The following CENPP variants were observed in gnomAD, a reference collection of about 807,000 sequenced individuals.
CENPP encodes the protein centromere protein P.
In CENPP, 24 loss-of-function variants were observed where a neutral mutation model predicts 35.6. The ratio of observed to expected loss-of-function variants is 0.67; its 90% confidence interval spans 0.49 to 0.95. CENPP has a LOEUF of 0.95. Ranked by LOEUF, CENPP falls within the 40% of genes least tolerant of loss-of-function variation. The probability of loss-of-function intolerance (pLI) is 0.00; values close to 1 mark genes in which losing one functional copy is unlikely to be tolerated. For synonymous variants in CENPP, 120 were observed against 125.5 expected (o/e 0.96, Z 0.29); for missense variants, 332 against 345.3 (o/e 0.96, Z 0.31).
chr9:92,498,245 A>G (rs1034486743), intron 5 of CENPP, among the ~76,000 whole-genome samples: 28 of 152,186 alleles, frequency 1.8e-4, no homozygotes, highest in Non-Finnish European at 3.4e-4. Context: ...TGGAAGGATA[A>G]ACTAGAAATT....
rs185830775 is a variant in CENPP at position 92,556,139 on chromosome 9, T to G, written c.565-55175T>G. On this transcript the variant is annotated intron_variant, in intron 5 of 7. Coordinates refer to ENST00000375587, the MANE Select transcript of CENPP (RefSeq NM_001012267.3). ...TTTTAATTTCCATCTTGATTTCATT[T>G]TTGACCTAATGCTCATTCAGGAGCA... Among the ~76,000 whole-genome samples, 673 of 152,360 alleles carry G rather than the reference T, an allele frequency of 4.4e-3. 3 individuals carry two copies. Among genetic ancestry groups the G allele is most frequent in the Middle Eastern group, 6.8e-3 (2 of 294 alleles).
chr9:92,541,598 G>A (rs1425056742), intron 5 of CENPP, among the ~76,000 whole-genome samples: 5 of 151,426 alleles, frequency 3.3e-5, no homozygotes, highest in African/African-American at 1.2e-4. Flanking sequence ...TCTGTGCCTG[G>A]CTTATTTCAC....
chr9:92,475,011 A>G, intron 5 of CENPP: 1 of 1,319,868 alleles, frequency 7.6e-7, no homozygotes, highest in Non-Finnish European at 9.9e-7. Flanking sequence ...GTGCAATGAA[A>G]TGGCATTTTA....
chr9:92,474,807 G>A (rs535145508), intron 5 of CENPP: 5 of 1,612,956 alleles, frequency 3.1e-6, no homozygotes, highest in Non-Finnish European at 4.2e-6. Flanking sequence ...ATATCCTTCA[G>A]CATCATATTC....
intron 5 of CENPP, among the ~76,000 whole-genome samples, chr9:92,503,897 C>T (rs1190505067): frequency 6.6e-6 from 1 of 152,202 alleles, no homozygotes; most frequent in Non-Finnish European, 1.5e-5. Flanking sequence ...ATGAGACAGC[C>T]TTGAGGCTGC....
At chr9:92,488,183 G>C (rs1846104908) in intron 5 of CENPP, among the ~76,000 whole-genome samples, 1 of 152,188 alleles carries the variant, frequency 6.6e-6, no homozygotes, top group Non-Finnish European at 1.5e-5. Flanking sequence ...TTATTCATTG[G>C]TGAATATAAG....
At chr9:92,352,538 T>TATATATATAA (rs1464334295) in intron 4 of CENPP, among the ~76,000 whole-genome samples, 2 of 114,434 alleles carry the variant, frequency 1.7e-5, no homozygotes, top group African/African-American at 4.0e-5. Context: ...TATATATATA[T>TATATATATAA]AATATAACGG....
intron 4 of CENPP, among the ~76,000 whole-genome samples, chr9:92,373,287 C>T (rs868054544): frequency 2.0e-5 from 3 of 151,854 alleles, no homozygotes; most frequent in Admixed American, 6.6e-5. Context: ...TATATATTAA[C>T]GACTGGGCTA....
intron 2 of CENPP, 88 bp downstream of exon 2, chr9:92,332,439 T>A: frequency 1.1e-6 from 1 of 879,970 alleles, no homozygotes; most frequent in Non-Finnish European, 1.7e-6. Flanking sequence ...GAATTAAAAT[T>A]CTACAAGGTA....
In CENPP at chr9:92,619,322, G is replaced by A. The variant is rs1851547800; in HGVS notation, c.*6173G>A. The A allele has an allele frequency of 1.7e-6, 1 of 603,140 alleles. No homozygotes were observed. Among genetic ancestry groups the A allele is most frequent in the Non-Finnish European group, 3.0e-6 (1 of 332,626 alleles). 37.4% of individuals were successfully genotyped at this position (603,140 alleles called of 1,614,324 possible). On this transcript the variant is annotated 3_prime_UTR_variant, in exon 8 of 8. Transcript: ENST00000375587. ...TGACTGAATTACAAGCTTCTAGAGG[G>A]CGAGAGTTAGTAAGCCCCATGATGT...
intron 4 of CENPP, among the ~76,000 whole-genome samples, chr9:92,363,409 A>T (rs1456749983): frequency 6.6e-6 from 1 of 152,182 alleles, no homozygotes; most frequent in Non-Finnish European, 1.5e-5. Flanking sequence ...CTATGTTTAG[A>T]TATGTTAAAT....
intron 5 of CENPP, among the ~76,000 whole-genome samples, chr9:92,432,082 T>C (rs538038637): frequency 2.0e-5 from 3 of 152,252 alleles, no homozygotes; most frequent in African/African-American, 7.2e-5. Context: ...CCCAACACTT[T>C]GGGAAGCTGA....
chr9:92,327,973 AGTT>A (rs1441638785), intron 1 of CENPP, among the ~76,000 whole-genome samples: 19 of 152,268 alleles, frequency 1.2e-4, no homozygotes, highest in South Asian at 8.3e-4. Context: ...AATGCTGGTC[AGTT>A]GTTGTGTCTA....
chr9:92,612,882 C>T (rs1160634901), intron 7 of CENPP, 137 bp from the exon 8 acceptor site: 2 of 1,047,792 alleles, frequency 1.9e-6, no homozygotes, highest in African/African-American at 1.6e-5. Context: ...ATCTCCTCGC[C>T]CGCCACTAGC....
intron 3 of CENPP, among the ~76,000 whole-genome samples, chr9:92,344,468 A>G (rs1373590882): frequency 3.3e-5 from 5 of 152,118 alleles, no homozygotes; most frequent in African/African-American, 1.2e-4. Context: ...TAAAGTGTAC[A>G]GTTCAATACT....
rs1346524298 is a variant in CENPP at position 92,484,534 on chromosome 9, ACT to A, written c.564+104676_564+104677del. ...TAGATTAATTACCTTTTGGAGAGGTACTATGAACGTTCCTCAGTCTGTCATTT... is the reference window on the plus strand; with the variant it reads ...TAGATTAATTACCTTTTGGAGAGGTAATGAACGTTCCTCAGTCTGTCATTT... On this transcript the variant is annotated intron_variant, in intron 5 of 7. Coordinates refer to ENST00000375587, the MANE Select transcript of CENPP (RefSeq NM_001012267.3). 1.2e-4 allele frequency among the ~76,000 whole-genome samples: 18 copies of A among 152,320 alleles called. No individual in the cohort carries two copies. The East Asian group carries it at 2.5e-3, about 21-fold the overall frequency.
At chr9:92,422,199 C>T (rs1268363474) in intron 5 of CENPP, among the ~76,000 whole-genome samples, 1 of 151,962 alleles carries the variant, frequency 6.6e-6, no homozygotes, top group Non-Finnish European at 1.5e-5. Context: ...TACAGGCGTG[C>T]ACCACCACGA....
chr9:92,514,438 C>G (rs1847557473), intron 5 of CENPP, among the ~76,000 whole-genome samples: 1 of 152,024 alleles, frequency 6.6e-6, no homozygotes, highest in Admixed American at 6.6e-5. Context: ...CCACGCCCGG[C>G]TAATTTTTGT....
chr9:92,389,967 A>G, intron 5 of CENPP: 1 of 1,611,068 alleles, frequency 6.2e-7, no homozygotes, highest in Non-Finnish European at 8.5e-7. Context: ...TCAGCAAGTG[A>G]AAGTTCTTCT....
Sources: allele counts gnomAD v4.1 joint callset (sites outside exome capture counted in the v4.1 genomes callset), GRCh38; gene constraint gnomAD v4.1.1; transcripts MANE v1.5; gene names NCBI Gene and HGNC (gene_info 2026-07-23, HGNC 2026-07-21).